SAMD4A: variants seen among roughly 807,000 people sequenced by gnomAD.
SAMD4A encodes the protein protein Smaug homolog 1.
SAMD4A carries 33 observed loss-of-function variants against 81.3 expected under a neutral mutation model. The ratio of observed to expected loss-of-function variants is 0.41; its 90% CI spans 0.31 to 0.54. The LOEUF is 0.54. SAMD4A is among the 20% of genes least tolerant of loss of function. SAMD4A has a pLI of 0.37. For synonymous variants in SAMD4A, 389 were observed against 382.1 expected (o/e 1.02, Z -0.21); for missense variants, 854 against 951.1 (o/e 0.90, Z 1.34).
At chr14:54,787,561 C>T (rs546335897) in intron 12 of SAMD4A, among the ~76,000 whole-genome samples, 1 of 152,312 alleles carries the variant, frequency 6.6e-6, no homozygotes, top group Non-Finnish European at 1.5e-5. Flanking sequence ...AGAGATGCTG[C>T]ATCTGGTGGA....
At chr14:54,632,743 A>G (rs2034932425) in intron 2 of SAMD4A, among the ~76,000 whole-genome samples, 2 of 152,076 alleles carry the variant, frequency 1.3e-5, no homozygotes, top group African/African-American at 2.4e-5. Context: ...TCAATTTACC[A>G]CTTATTAGCT....
Position 54,792,646 on chromosome 14 carries a change from T to C in SAMD4A, c.*3702T>C, listed in dbSNP as rs1021439462. 1 of 152,002 alleles carries C rather than the reference T, an allele frequency of 6.6e-6. No homozygotes were observed. The highest frequency in any genetic ancestry group is 2.4e-5 in the African/African-American group (1 of 41,400). 9.4% of individuals were successfully genotyped at this position (152,002 alleles called of 1,614,324 possible). On this transcript the variant is annotated 3_prime_UTR_variant, in exon 13 of 13. Coordinates refer to ENST00000554335, the MANE Select transcript of SAMD4A (RefSeq NM_015589.6). ...GACCAAGGCGCTCAGGTGTGCCTGT[T>C]ACAAGAAGAACCTGCAGAAGGATAA...
chr14:54,665,504 G>A (rs559620954), intron 2 of SAMD4A, among the ~76,000 whole-genome samples: 1 of 152,346 alleles, frequency 6.6e-6, no homozygotes, highest in African/African-American at 2.4e-5. Context: ...GGATTAACTA[G>A]AAAAGAAATG....
intron 3 of SAMD4A, among the ~76,000 whole-genome samples, chr14:54,718,481 ACT>A (rs1209345762): frequency 6.6e-6 from 1 of 152,054 alleles, no homozygotes; most frequent in Non-Finnish European, 1.5e-5. Context: ...AAATAGTGTG[ACT>A]CTTAGTAAAA....
At chr14:54,682,737 A>G (rs750771351) in intron 2 of SAMD4A, among the ~76,000 whole-genome samples, 6 of 152,224 alleles carry the variant, frequency 3.9e-5, no homozygotes, top group Non-Finnish European at 8.8e-5. Context: ...GAAGATGAAC[A>G]TGTACCAAAT....
chr14:54,568,502 G>C (rs1408328928), intron 2 of SAMD4A, among the ~76,000 whole-genome samples: 1 of 151,358 alleles, frequency 6.6e-6, no homozygotes, highest in Non-Finnish European at 1.5e-5. Context: ...TGGCTCGCTG[G>C]ATTTCAGCAA....
chr14:54,601,867 A>C (rs2034061649), intron 2 of SAMD4A, among the ~76,000 whole-genome samples: 1 of 152,232 alleles, frequency 6.6e-6, no homozygotes, highest in Admixed American at 6.5e-5. Context: ...AATGGGTATT[A>C]GAGTTGTAAA....
At chr14:54,662,911 C>T (rs527925166) in intron 2 of SAMD4A, among the ~76,000 whole-genome samples, 2 of 152,314 alleles carry the variant, frequency 1.3e-5, no homozygotes, top group East Asian at 3.9e-4. Context: ...GTTTCCTGTG[C>T]TGCTGGGCTG....
intron 6 of SAMD4A, among the ~76,000 whole-genome samples, chr14:54,759,626 G>T (rs540615217): frequency 6.6e-6 from 1 of 152,208 alleles, no homozygotes; most frequent in Non-Finnish European, 1.5e-5. Context: ...GCACAAATTG[G>T]TTAAGCCATT....
chr14:54,684,997 A>G (rs2036223681), intron 2 of SAMD4A, among the ~76,000 whole-genome samples: 2 of 152,256 alleles, frequency 1.3e-5, no homozygotes, highest in Non-Finnish European at 2.9e-5. Flanking sequence ...TGGAAATCAT[A>G]CCACCTAAAG....
At chr14:54,666,473 G>C (rs1199934843) in intron 2 of SAMD4A, among the ~76,000 whole-genome samples, 1 of 152,074 alleles carries the variant, frequency 6.6e-6, no homozygotes, top group Non-Finnish European at 1.5e-5. Context: ...CTCCATATGT[G>C]TGGATTTCAT....
chr14:54,742,403 C>G (rs968510068), intron 4 of SAMD4A, among the ~76,000 whole-genome samples: 1 of 152,142 alleles, frequency 6.6e-6, no homozygotes, highest in Non-Finnish European at 1.5e-5. Context: ...TGGAGGTGTG[C>G]AACCCCCTCA....
At chr14:54,640,395 T>G (rs887677360) in intron 2 of SAMD4A, among the ~76,000 whole-genome samples, 2 of 152,190 alleles carry the variant, frequency 1.3e-5, no homozygotes, top group Admixed American at 1.3e-4. Flanking sequence ...TATTTATTGA[T>G]TTAGAAGAAG....
upstream of SAMD4A, among the ~76,000 whole-genome samples, chr14:54,566,346 C>A (rs2140087253): frequency 6.6e-6 from 1 of 151,852 alleles, no homozygotes; most frequent in South Asian, 2.1e-4. Flanking sequence ...CGGCGGGGGA[C>A]CCGCGGGTCA....
intron 2 of SAMD4A, among the ~76,000 whole-genome samples, chr14:54,679,762 T>C (rs2036084956): frequency 6.6e-6 from 1 of 152,190 alleles, no homozygotes; most frequent in Admixed American, 6.5e-5. Flanking sequence ...GTCCCTGAGG[T>C]CCTGTCTGCA....
chr14:54,590,159 T>C (rs1277497330), intron 2 of SAMD4A, among the ~76,000 whole-genome samples: 1 of 152,206 alleles, frequency 6.6e-6, no homozygotes, highest in East Asian at 1.9e-4. Context: ...TGTCTGGCAC[T>C]GTCAATGGTG....
intron 4 of SAMD4A, among the ~76,000 whole-genome samples, chr14:54,740,626 G>A (rs373843392): frequency 1.1e-4 from 17 of 152,120 alleles, no homozygotes; most frequent in African/African-American, 2.2e-4. Flanking sequence ...CACATCCTCC[G>A]TTAGGAGTGT....
intron 2 of SAMD4A, among the ~76,000 whole-genome samples, chr14:54,591,079 G>A (rs1244842859): frequency 6.6e-6 from 1 of 152,136 alleles, no homozygotes; most frequent in Admixed American, 6.5e-5. Context: ...TGAATGAGGG[G>A]CTATTTTTCT....
At chr14:54,716,363 C>G (rs1462925572) in intron 3 of SAMD4A, among the ~76,000 whole-genome samples, 1 of 152,156 alleles carries the variant, frequency 6.6e-6, no homozygotes, top group African/African-American at 2.4e-5. Flanking sequence ...TAAACTTTCT[C>G]AGAAGACAAG....
Sources: allele counts gnomAD v4.1 joint callset (sites outside exome capture counted in the v4.1 genomes callset), GRCh38; gene constraint gnomAD v4.1.1; transcripts MANE v1.5; gene names NCBI Gene and HGNC (gene_info 2026-07-23, HGNC 2026-07-21).